BARD1: variants seen among roughly 807,000 people sequenced by gnomAD.
The protein encoded by BARD1 is BRCA1-associated RING domain protein 1.
Under a neutral mutation model 77.0 loss-of-function variants are expected in BARD1, and 73 were observed. That is an observed-to-expected ratio of 0.95 (90% CI 0.79 to 1.15). BARD1 has a LOEUF of 1.15. Ranked by LOEUF, BARD1 falls within the 50% of genes most tolerant of loss-of-function variation. BARD1 has a pLI of 0.00. For synonymous variants in BARD1, 384 were observed against 338.0 expected, an observed-to-expected ratio of 1.14 and a Z score of -1.49; for missense variants, 993 against 938.8, an observed-to-expected ratio of 1.06 and a Z score of -0.75.
At chr2:214,743,153 G>C (rs1692923604) in intron 9 of BARD1, among the ~76,000 whole-genome samples, 1 of 152,160 alleles carries the variant, frequency 6.6e-6, no homozygotes, top group African/African-American at 2.4e-5. Context: ...GACTGCATTG[G>C]TTGAGACAAG....
chr2:214,741,218 T>C (rs564074662), intron 9 of BARD1, among the ~76,000 whole-genome samples: 1 of 152,260 alleles, frequency 6.6e-6, no homozygotes, highest in East Asian at 1.9e-4. Context: ...TGGGGAATTT[T>C]ACAACTTCTA....
intron 4 of BARD1, among the ~76,000 whole-genome samples, chr2:214,778,119 C>G (rs1694814070): frequency 6.6e-6 from 1 of 152,002 alleles, no homozygotes; most frequent in Non-Finnish European, 1.5e-5. Flanking sequence ...TTGCTTGAAC[C>G]CAGGAGGCGG....
At chr2:214,760,868 G>A (rs1176905480) in intron 6 of BARD1, among the ~76,000 whole-genome samples, 2 of 150,416 alleles carry the variant, frequency 1.3e-5, no homozygotes, top group African/African-American at 2.5e-5. Flanking sequence ...TCCGCCTCCC[G>A]GGTTCACACC....
rs1695874198 is a variant in BARD1, at chr2:214,798,754, T to C, written c.159-1637A>G. 3.0e-5 allele frequency among the ~76,000 whole-genome samples: 3 copies of C among 100,786 alleles called. No homozygotes were observed. In the South Asian group the frequency reaches 1.1e-3, roughly 37 times the overall value. 66.1% of individuals were successfully genotyped at this position (100,786 alleles called of 152,430 possible). A position where few individuals can be genotyped will look rare whatever the true frequency, so the allele number is the denominator to read the frequency against. On this transcript the variant is annotated intron_variant, in intron 1 of 10. Coordinates refer to ENST00000260947, the MANE Select transcript of BARD1 (RefSeq NM_000465.4). The stretch of plus-strand genomic sequence containing the variant: ...CTTCCCTGCCCACTCAGGCTGCGAA[T>C]AACCACTATTAAAAAAAGAAAAAAA...
At chr2:214,795,786 G>T (rs1394547186) in intron 2 of BARD1, among the ~76,000 whole-genome samples, 1 of 152,142 alleles carries the variant, frequency 6.6e-6, no homozygotes, top group Non-Finnish European at 1.5e-5. Context: ...AGATTACCCA[G>T]GCAGGAAAAG....
rs1692181478 is a variant in BARD1, at chr2:214,728,539, T to TA, written c.*136_*137insT. On this transcript the variant is annotated 3_prime_UTR_variant, in exon 11 of 11. Coordinates refer to ENST00000260947, the MANE Select transcript of BARD1 (RefSeq NM_000465.4). ...TGAATTCCTAATCTGGCATTAGACT[T>TA]TTTTTTTTTTTTTGATTCAAAGACA... 4.8e-6 allele frequency: 3 copies of TA among 619,136 alleles called. No individual in the cohort carries two copies. The highest frequency in any genetic ancestry group is 7.3e-6 in the Non-Finnish European group (3 of 411,594). The allele number at this position is 619,136 out of a possible 1,614,324, so 38.4% of individuals were successfully genotyped here.
chr2:214,781,106 A>G lies in BARD1; in HGVS notation c.768T>C (p.Gly256=). ...PSVISSPQIN[G]EIDLLASGSL... Reference sequence around the variant, plus strand: ...AGCCACTTGCTAGTAAGTCTATTTCACCATTTATCTGAGGACTGGAGATAA... The same window carrying G: ...AGCCACTTGCTAGTAAGTCTATTTCGCCATTTATCTGAGGACTGGAGATAA... The change falls in exon 4 of 11, where the codon GGT becomes GGC. Residue 256 remains glycine (G), a synonymous_variant. Coordinates refer to ENST00000260947, the MANE Select transcript of BARD1 (RefSeq NM_000465.4). The G allele has an allele frequency of 6.3e-7, 1 of 1,582,006 alleles. No homozygotes were observed.
chr2:214,747,479 G>A (rs1693180849), intron 7 of BARD1, among the ~76,000 whole-genome samples: 1 of 150,906 alleles, frequency 6.6e-6, no homozygotes, highest in African/African-American at 2.4e-5. Context: ...ACGATAGACT[G>A]GATTAAGAAA....
chr2:214,768,765 T>C (rs1375297529), intron 5 of BARD1, among the ~76,000 whole-genome samples: 1 of 152,242 alleles, frequency 6.6e-6, no homozygotes, highest in Non-Finnish European at 1.5e-5. Context: ...AAATGTTTAA[T>C]GTAAGCAAAG....
At chr2:214,746,250 T>C (rs943008359) in intron 7 of BARD1, among the ~76,000 whole-genome samples, 1 of 152,198 alleles carries the variant, frequency 6.6e-6, no homozygotes, top group African/African-American at 2.4e-5. Flanking sequence ...TTGTTTAGTT[T>C]AAACTGAGAT....
intron 4 of BARD1, among the ~76,000 whole-genome samples, chr2:214,779,759 A>G (rs1310819792): frequency 6.6e-6 from 1 of 152,202 alleles, no homozygotes; most frequent in Non-Finnish European, 1.5e-5. Context: ...TGAATTGACT[A>G]CGTACAGTCG....
Position 214,729,006 on chromosome 2 carries a change from C to T in BARD1, c.2004G>A (p.Leu668=), listed in dbSNP as rs1273220131. The part of the protein sequence containing the change: ...RRSRLNREQL[L]PKLFDGCYFY... ...AGTAGCATCCATCAAACAGCTTTGG[C>T]AACTGAAATAATGAGAAAACATTTG... The change falls in exon 11 of 11, where the codon TTG becomes TTA. Residue 668 remains leucine, a splice_region_variant and synonymous_variant. Coordinates refer to ENST00000260947, the MANE Select transcript of BARD1 (RefSeq NM_000465.4). The T allele has an allele frequency of 6.2e-7, 1 of 1,613,840 alleles. No homozygotes were observed. Among genetic ancestry groups the T allele is most frequent in the South Asian group, 1.1e-5 (1 of 91,038 alleles).
chr2:214,752,100 T>C (rs973759788), intron 7 of BARD1, among the ~76,000 whole-genome samples: 1 of 152,090 alleles, frequency 6.6e-6, no homozygotes, highest in Non-Finnish European at 1.5e-5. Flanking sequence ...GAAACACTCA[T>C]GTCTAAGTGT....
intron 7 of BARD1, 113 bp from the exon 8 acceptor site, chr2:214,745,967 T>C: frequency 1.6e-6 from 2 of 1,252,380 alleles, no homozygotes; most frequent in South Asian, 1.2e-5. Context: ...TTTACTCTAA[T>C]AATTTTCAAT....
At chr2:214,772,838 T>A (rs1340264520) in intron 4 of BARD1, among the ~76,000 whole-genome samples, 2 of 152,344 alleles carry the variant, frequency 1.3e-5, no homozygotes, top group Admixed American at 1.3e-4. Context: ...TAGCTTGAAC[T>A]GATATGAAGT....
intron 1 of BARD1, among the ~76,000 whole-genome samples, chr2:214,802,685 T>C (rs1696079467): frequency 6.6e-6 from 1 of 152,214 alleles, no homozygotes. Context: ...TATACAAAAA[T>C]GCATTTGTAT....
chr2:214,735,635 A>T (rs1035367535), intron 9 of BARD1, among the ~76,000 whole-genome samples: 3 of 152,112 alleles, frequency 2.0e-5, no homozygotes, highest in Admixed American at 6.6e-5. Flanking sequence ...TTTGAACCTA[A>T]ATCTGCTTAG....
In BARD1 at chr2:214,767,468, G is replaced by A. The variant is rs5031011; in HGVS notation, c.1568+14C>T. 554,046 of 1,606,412 alleles carry A rather than the reference G, an allele frequency of 0.34. 96,897 individuals are homozygous for A. Among genetic ancestry groups the A allele is most frequent in the South Asian group, 0.4 (36,154 of 90,878 alleles). On this transcript the variant is annotated intron_variant, in intron 6 of 10. Transcript: ENST00000260947. ...GGTCCATTTTAAAAATAATTTTTAC[G>A]TTGAACTACTTACACAGCATTTCTG...
At position 214,767,644 on chromosome 2, in the gene BARD1, C is replaced by T. The variant is rs587782040; in HGVS notation, c.1406G>A (p.Cys469Tyr). The T allele has an allele frequency of 3.7e-6, 6 of 1,613,736 alleles. No homozygotes were observed. In the African/African-American group the frequency reaches 8.0e-5, roughly 22 times the overall value. The change falls in exon 6 of 11, where the codon TGC becomes TAC. Residue 469 changes from cysteine (C) to tyrosine (Y), a missense_variant. Coordinates refer to ENST00000260947, the MANE Select transcript of BARD1 (RefSeq NM_000465.4). ...HAGWTPLHEA[C>Y]NHGHLKVVEL... is the part of the protein sequence containing the mutation. ...CACTACCTTCAGGTGCCCATGATTG[C>T]AAGCTTCATGCTAATTAAATTTTTT...
Sources: gnomAD v4.1 joint callset for allele counts (sites outside exome capture counted in the v4.1 genomes callset) on GRCh38, gnomAD v4.1.1 for gene constraint, MANE v1.5 for transcripts, NCBI Gene and HGNC (gene_info 2026-07-23, HGNC 2026-07-21) for gene names.